Variants in MCC observed in about 807,000 individuals in gnomAD.
MCC encodes colorectal mutant cancer protein.
Under a neutral mutation model 116.2 loss-of-function variants are expected in MCC, and 90 were observed. That is an observed-to-expected ratio of 0.77 (90% confidence interval 0.65 to 0.92). The LOEUF (loss-of-function observed/expected upper bound fraction) is 0.92. Among genes scored for constraint, MCC ranks in the 40% least tolerant of loss-of-function variants. The pLI is 0.00. For missense variants in MCC, 1,516 were observed against 1,312.2 expected (o/e 1.16, Z -2.40); for synonymous variants, 578 against 510.5 (o/e 1.13, Z -1.78).
At chr5:113,061,879 GGAATGTCTGAGCCA>G (rs1207739668) in intron 14 of MCC, among the ~76,000 whole-genome samples, 1 of 152,148 alleles carries the variant, frequency 6.6e-6, no homozygotes, top group Non-Finnish European at 1.5e-5. Context: ...TTGACAAGGG[GGAATGTCTGAGCCA>G]GAATGGCAAG....
chr5:113,136,488 G>A (rs781111504), intron 5 of MCC, among the ~76,000 whole-genome samples: 6 of 151,962 alleles, frequency 3.9e-5, no homozygotes, highest in African/African-American at 1.4e-4. Context: ...CCTGGTTTAG[G>A]AGCTGCTGTA....
At chr5:113,324,679 A>C (rs1561524119) in intron 3 of MCC, among the ~76,000 whole-genome samples, 1 of 152,206 alleles carries the variant, frequency 6.6e-6, no homozygotes, top group Non-Finnish European at 1.5e-5. Context: ...CTGAGAATCT[A>C]AAGGTAGCAC....
intron 6 of MCC, among the ~76,000 whole-genome samples, chr5:113,108,805 G>A (rs934049139): frequency 3.3e-5 from 5 of 152,140 alleles, no homozygotes; most frequent in Non-Finnish European, 5.9e-5. Flanking sequence ...ACTTTCTTTG[G>A]TCATAGGAAG....
chr5:113,027,052 G>A lies in MCC; in HGVS notation c.*250C>T. The A allele has an allele frequency of 2.1e-6, 1 of 467,384 alleles. No individual in the cohort carries two copies. Among genetic ancestry groups the A allele is most frequent in the South Asian group, 4.2e-5 (1 of 23,810 alleles). 29.0% of individuals were successfully genotyped at this position (467,384 alleles called of 1,614,324 possible). On this transcript the variant is annotated 3_prime_UTR_variant, in exon 19 of 19. Transcript: ENST00000408903. ...AGCAGAAACGAGGCTCTGCTGAGCA[G>A]GCACAGAACATGTGTTTACACGCTG...
chr5:113,236,749 T>C (rs1046891630), intron 3 of MCC, among the ~76,000 whole-genome samples: 4 of 152,058 alleles, frequency 2.6e-5, no homozygotes, highest in African/African-American at 9.7e-5. Flanking sequence ...GCCAGAAGAA[T>C]ACACAGAGAG....
chr5:113,049,820 A>C (rs1418416628), intron 15 of MCC, among the ~76,000 whole-genome samples: 4 of 152,184 alleles, frequency 2.6e-5, no homozygotes, highest in African/African-American at 9.7e-5. Context: ...GCATGCGGCG[A>C]ATGCCTGCAG....
chr5:113,184,818 C>G (rs1197190419), intron 3 of MCC, among the ~76,000 whole-genome samples: 1 of 152,188 alleles, frequency 6.6e-6, no homozygotes, highest in Non-Finnish European at 1.5e-5. Flanking sequence ...ACAGCTTCAA[C>G]TTCGCATCTC....
intron 4 of MCC, among the ~76,000 whole-genome samples, chr5:113,145,443 C>CA (rs1759437848): frequency 6.6e-6 from 1 of 152,172 alleles, no homozygotes; most frequent in South Asian, 2.1e-4. Flanking sequence ...AATGAGCTCT[C>CA]ACTTTCCCTT....
intron 3 of MCC, among the ~76,000 whole-genome samples, chr5:113,306,298 C>T (rs1005491602): frequency 6.6e-6 from 1 of 152,060 alleles, no homozygotes; most frequent in Admixed American, 6.6e-5. Flanking sequence ...GGTAATAGGG[C>T]AATTTTATCT....
At chr5:113,481,765 C>CT in intron 1 of MCC, among the ~76,000 whole-genome samples, 1 of 151,964 alleles carries the variant, frequency 6.6e-6, no homozygotes, top group Non-Finnish European at 1.5e-5. Flanking sequence ...AAAAATAAAT[C>CT]TTTTTTTAAC....
intron 3 of MCC, among the ~76,000 whole-genome samples, chr5:113,265,496 G>C (rs1765387389): frequency 6.6e-6 from 1 of 152,102 alleles, no homozygotes; most frequent in Admixed American, 6.5e-5. Context: ...CCTTCTAATA[G>C]GTCTTCACAG....
At chr5:113,353,690 A>G (rs1263453183) in intron 2 of MCC, among the ~76,000 whole-genome samples, 4 of 152,200 alleles carry the variant, frequency 2.6e-5, no homozygotes, top group Non-Finnish European at 1.5e-5. Flanking sequence ...CAGTCTACAC[A>G]TGGTTAGGCT....
chr5:113,441,509 A>C (rs551804622), intron 1 of MCC, among the ~76,000 whole-genome samples: 1 of 147,136 alleles, frequency 6.8e-6, no homozygotes, highest in Non-Finnish European at 1.5e-5. Flanking sequence ...TTTGTACAGC[A>C]CTTTTTTATT....
intron 3 of MCC, among the ~76,000 whole-genome samples, chr5:113,207,451 G>A (rs1276155415): frequency 1.4e-5 from 2 of 140,218 alleles, no homozygotes; most frequent in African/African-American, 5.3e-5. Flanking sequence ...ATCCTCCATC[G>A]TGGAGGGTGG....
At chr5:113,346,651 G>A (rs1321723582) in intron 2 of MCC, among the ~76,000 whole-genome samples, 1 of 151,420 alleles carries the variant, frequency 6.6e-6, no homozygotes, top group African/African-American at 2.4e-5. Context: ...ACAACAAAAA[G>A]TTTATTGAAA....
intron 3 of MCC, among the ~76,000 whole-genome samples, chr5:113,267,619 T>C (rs993722932): frequency 2.0e-5 from 3 of 152,168 alleles, no homozygotes; most frequent in Non-Finnish European, 4.4e-5. Flanking sequence ...TGATGAGCCA[T>C]GAAAACATGC....
intron 3 of MCC, among the ~76,000 whole-genome samples, chr5:113,269,876 C>A (rs1412765983): frequency 2.6e-5 from 4 of 152,160 alleles, no homozygotes; most frequent in Admixed American, 6.5e-5. Context: ...GATAAGGCAA[C>A]AGAGTACACT....
At chr5:113,103,892 T>C (rs1049714034) in intron 7 of MCC, among the ~76,000 whole-genome samples, 1 of 152,344 alleles carries the variant, frequency 6.6e-6, no homozygotes, top group Non-Finnish European at 1.5e-5. Flanking sequence ...GGCTCTATGA[T>C]GAACCACTCT....
intron 1 of MCC, among the ~76,000 whole-genome samples, chr5:113,473,387 G>T (rs1772147502): frequency 6.6e-6 from 1 of 152,070 alleles, no homozygotes; most frequent in Admixed American, 6.5e-5. Context: ...AGCTGGGCAT[G>T]GGGGTGGATG....
Sources: gnomAD v4.1 joint callset for allele counts (sites outside exome capture counted in the v4.1 genomes callset) on GRCh38, gnomAD v4.1.1 for gene constraint, MANE v1.5 for transcripts, NCBI Gene and HGNC (gene_info 2026-07-23, HGNC 2026-07-21) for gene names.